Variants in PCDH11X observed in about 807,000 individuals in gnomAD.
PCDH11X encodes protocadherin-11 X-linked.
In PCDH11X, 18 loss-of-function variants were observed where a neutral mutation model predicts 53.3. That is an observed-to-expected ratio of 0.34 (90% confidence interval 0.23 to 0.50). The LOEUF (loss-of-function observed/expected upper bound fraction) is 0.50. Ranked by LOEUF, PCDH11X falls within the 20% of genes least tolerant of loss-of-function variation. PCDH11X has a pLI of 0.98. For missense variants in PCDH11X, 570 were observed against 1,032.4 expected, an observed-to-expected ratio of 0.55 and a Z score of 6.14; for synonymous variants, 279 against 393.3, an observed-to-expected ratio of 0.71 and a Z score of 3.44.
At chrX:92,540,009 G>A (rs1751459813) in intron 10 of PCDH11X, among the ~76,000 whole-genome samples, 1 of 111,080 alleles carries the variant, frequency 9.0e-6, no homozygotes, top group South Asian at 3.9e-4. Context: ...CAGACCTGAA[G>A]CCAGCACAAC....
chrX:91,929,571 C>G (rs1942057105), intron 6 of PCDH11X, among the ~76,000 whole-genome samples: 1 of 111,003 alleles, frequency 9.0e-6, no homozygotes, highest in African/African-American at 3.3e-5. Flanking sequence ...TACTGATTAT[C>G]ATGGCCACGT....
intron 1 of PCDH11X, among the ~76,000 whole-genome samples, chrX:91,791,754 T>A (rs982246950): frequency 1.1e-5 from 1 of 89,191 alleles, no homozygotes; most frequent in Non-Finnish European, 2.2e-5. Context: ...CAAGACAAAA[T>A]AAACAGATAG....
At chrX:91,971,215 A>G (rs1338781809) in intron 6 of PCDH11X, among the ~76,000 whole-genome samples, 1 of 110,188 alleles carries the variant, frequency 9.1e-6, no homozygotes, top group African/African-American at 3.4e-5. Context: ...GAATTCATTT[A>G]TGTGCACCTG....
Position 91,880,798 on chromosome X carries a change from C to T in PCDH11X, c.3033+1525C>T, listed in dbSNP as rs772987177. ...ATGGGCAACAAACGTTAAGAGATGT[C>T]GAACATCTCCACAGGGTGTGTTTTT... is the stretch of plus-strand genomic sequence containing the variant. On this transcript the variant is annotated intron_variant, in intron 6 of 10. Transcript: ENST00000682573. Among the ~76,000 whole-genome samples the T allele has an allele frequency of 2.7e-5, 3 of 110,750 alleles. No individual in the cohort carries two copies. In the South Asian group the frequency reaches 1.1e-3, roughly 42 times the overall value.
At chrX:92,392,721 G>T (rs1258785536) in intron 9 of PCDH11X, among the ~76,000 whole-genome samples, 7 of 109,812 alleles carry the variant, frequency 6.4e-5, no homozygotes, top group African/African-American at 1.3e-4. Context: ...CTAGTAATGG[G>T]TCATTAAAAC....
chrX:91,948,973 A>G (rs887900571), intron 6 of PCDH11X, among the ~76,000 whole-genome samples: 3 of 110,846 alleles, frequency 2.7e-5, no homozygotes, highest in African/African-American at 9.8e-5. Context: ...ACTGGATTCT[A>G]CAAGGATAGA....
intron 10 of PCDH11X, among the ~76,000 whole-genome samples, chrX:92,530,578 A>G (rs990215411): frequency 2.7e-5 from 3 of 112,235 alleles, no homozygotes; most frequent in Non-Finnish European, 5.7e-5. Context: ...TCTTCACAAT[A>G]GTTCGGTGCT....
intron 7 of PCDH11X, among the ~76,000 whole-genome samples, chrX:92,234,199 A>G (rs2067130680): frequency 8.9e-6 from 1 of 112,329 alleles, no homozygotes; most frequent in Non-Finnish European, 1.9e-5. Context: ...CTTAATCTTC[A>G]TCTTTGCTTG....
Position 92,440,833 on chromosome X carries a change from T to C in PCDH11X, c.3344-27466T>C, listed in dbSNP as rs191133930. Among the ~76,000 whole-genome samples the C allele has an allele frequency of 4.9e-4, 55 of 111,418 alleles. 1 individual carries two copies. Among genetic ancestry groups the C allele is most frequent in the African/African-American group, 1.7e-3 (52 of 30,652 alleles). ...ATGTGGAAGCAACTTTGGAACTGGG[T>C]GACAGGCAGAGGTTGGAACAATTTG... On this transcript the variant is annotated intron_variant, in intron 9 of 10. Transcript: ENST00000682573.
intron 3 of PCDH11X, among the ~76,000 whole-genome samples, chrX:91,810,804 G>A (rs183449401): frequency 1.8e-5 from 2 of 111,577 alleles, no homozygotes; most frequent in Non-Finnish European, 3.8e-5. Flanking sequence ...CTAGCCAATG[G>A]GGCTAGGATC....
intron 6 of PCDH11X, among the ~76,000 whole-genome samples, chrX:91,906,004 A>G (rs772882774): frequency 9.0e-6 from 1 of 111,197 alleles, no homozygotes; most frequent in African/African-American, 3.3e-5. Context: ...GCTTCAGAGA[A>G]ATAATGTAGA....
At chrX:91,782,071 C>G (rs911912685) in intron 1 of PCDH11X, among the ~76,000 whole-genome samples, 2 of 109,764 alleles carry the variant, frequency 1.8e-5, no homozygotes, top group Admixed American at 9.5e-5. Flanking sequence ...GATGGGAAGC[C>G]GAGCGGCGAG....
intron 8 of PCDH11X, among the ~76,000 whole-genome samples, chrX:92,321,608 CTTAA>C (rs906325722): frequency 4.5e-5 from 5 of 111,940 alleles, no homozygotes; most frequent in African/African-American, 1.3e-4. Flanking sequence ...GTTTAAGAGT[CTTAA>C]TTAACCCTTG....
chrX:91,968,523 C>T (rs1214821122), intron 6 of PCDH11X, among the ~76,000 whole-genome samples: 2 of 111,299 alleles, frequency 1.8e-5, no homozygotes, highest in African/African-American at 6.5e-5. Flanking sequence ...GCTCTTTGGA[C>T]AGCAAAAGTG....
At chrX:92,149,907 C>T (rs2065402954) in intron 6 of PCDH11X, among the ~76,000 whole-genome samples, 1 of 111,425 alleles carries the variant, frequency 9.0e-6, no homozygotes, top group Non-Finnish European at 1.9e-5. Flanking sequence ...AAGGTTTATC[C>T]ATGTGGATAA....
At chrX:92,227,959 T>C (rs868354708) in intron 7 of PCDH11X, among the ~76,000 whole-genome samples, 1 of 3,088 alleles carries the variant, frequency 3.2e-4, no homozygotes, top group Non-Finnish European at 3.6e-3. Flanking sequence ...TAAGACAATT[T>C]TAAGATTAAC....
At chrX:92,246,563 G>A (rs1367419704) in intron 7 of PCDH11X, among the ~76,000 whole-genome samples, 1 of 110,697 alleles carries the variant, frequency 9.0e-6, no homozygotes, top group East Asian at 2.9e-4. Flanking sequence ...TGTTGGCCAG[G>A]TGGCCTTGAA....
intron 8 of PCDH11X, among the ~76,000 whole-genome samples, chrX:92,330,693 T>G: frequency 9.0e-6 from 1 of 111,356 alleles, no homozygotes; most frequent in Non-Finnish European, 1.9e-5. Flanking sequence ...ATAAACAAAT[T>G]GTAGCAAGCC....
chrX:92,232,076 T>C (rs55651436), intron 7 of PCDH11X, among the ~76,000 whole-genome samples: 2 of 111,628 alleles, frequency 1.8e-5, no homozygotes, highest in Non-Finnish European at 1.9e-5. Context: ...ATAAATTCAT[T>C]TGATATTCAT....
Sources: gnomAD v4.1 joint callset for allele counts (sites outside exome capture counted in the v4.1 genomes callset) on GRCh38, gnomAD v4.1.1 for gene constraint, MANE v1.5 for transcripts, NCBI Gene and HGNC (gene_info 2026-07-23, HGNC 2026-07-21) for gene names.